The following DMD variants were observed in gnomAD, a reference collection of about 807,000 sequenced individuals.
DMD encodes dystrophin, also known as mutant dystrophin.
DMD carries 63 observed loss-of-function variants against 330.1 expected under a neutral mutation model. That is an observed-to-expected ratio of 0.19 (90% CI 0.16 to 0.24). DMD has a LOEUF of 0.24. DMD is among the 10% of genes least tolerant of loss of function. DMD has a pLI of 1.00. For synonymous variants in DMD, 1,223 were observed against 959.8 expected, an observed-to-expected ratio of 1.27 and a Z score of -5.07; for missense variants, 3,344 against 2,684.1, an observed-to-expected ratio of 1.25 and a Z score of -5.43.
intron 42 of DMD, among the ~76,000 whole-genome samples, chrX:32,294,191 A>T (rs2097486227): frequency 8.9e-6 from 1 of 112,272 alleles, no homozygotes; most frequent in African/African-American, 3.2e-5. Context: ...GCAAAGATAC[A>T]TAACTCTGCC....
chrX:32,435,040 C>G (rs1422254190), intron 29 of DMD, among the ~76,000 whole-genome samples: 1 of 108,717 alleles, frequency 9.2e-6, no homozygotes, highest in African/African-American at 3.3e-5. Context: ...TTTTAACACT[C>G]TGCTTAATCA....
chrX:31,208,755 T>A (rs193247362), intron 65 of DMD, among the ~76,000 whole-genome samples: 1 of 111,113 alleles, frequency 9.0e-6, no homozygotes, highest in East Asian at 2.8e-4. Flanking sequence ...ATTGGTGAAA[T>A]GAGGCATGTA....
chrX:32,347,148 T>G (rs2097766663), intron 38 of DMD, among the ~76,000 whole-genome samples: 1 of 111,603 alleles, frequency 9.0e-6, no homozygotes, highest in Admixed American at 9.6e-5. Context: ...GTCAATAATC[T>G]AAAGAAACAT....
At chrX:33,155,786 C>G (rs906619007) in intron 1 of DMD, among the ~76,000 whole-genome samples, 1 of 107,290 alleles carries the variant, frequency 9.3e-6, no homozygotes, top group African/African-American at 3.5e-5. Flanking sequence ...CAGGGAGATG[C>G]CATCTCTACA....
At chrX:31,411,190 TTG>T (rs1281062793) in intron 60 of DMD, among the ~76,000 whole-genome samples, 1 of 111,246 alleles carries the variant, frequency 9.0e-6, no homozygotes, top group African/African-American at 3.3e-5. Context: ...CTTACAATGA[TTG>T]TTCACATCCC....
intron 44 of DMD, among the ~76,000 whole-genome samples, chrX:32,051,209 C>A (rs1197333840): frequency 9.1e-6 from 1 of 109,900 alleles, no homozygotes; most frequent in Admixed American, 9.8e-5. Context: ...CAAATGCACA[C>A]CAAATGTTAA....
intron 7 of DMD, among the ~76,000 whole-genome samples, chrX:32,807,122 TAAAAAAAAAAAAAA>T (rs999286386): frequency 4.3e-4 from 9 of 20,743 alleles, no homozygotes; most frequent in Non-Finnish European, 1.7e-4. Flanking sequence ...CGGAAACATT[TAAAAAAAAAAAAAA>T]AAAAAAAAAA....
intron 43 of DMD, among the ~76,000 whole-genome samples, chrX:32,225,763 G>A (rs1409174132): frequency 9.4e-6 from 1 of 106,144 alleles, no homozygotes; most frequent in Non-Finnish European, 1.9e-5. Context: ...CATGTGAAAT[G>A]CCTACACCTG....
intron 11 of DMD, among the ~76,000 whole-genome samples, chrX:32,615,220 C>T (rs181382861): frequency 1.5e-3 from 165 of 111,292 alleles, no homozygotes; most frequent in African/African-American, 5.0e-3. Flanking sequence ...TAAGTTTGGA[C>T]GTCATTTGAT....
intron 25 of DMD, among the ~76,000 whole-genome samples, chrX:32,460,295 T>C (rs1036793555): frequency 3.6e-5 from 4 of 110,360 alleles, no homozygotes; most frequent in Non-Finnish European, 7.6e-5. Context: ...GTACAGTCAC[T>C]GTAGAGAACA....
intron 29 of DMD, among the ~76,000 whole-genome samples, chrX:32,420,477 C>A (rs1486586939): frequency 8.9e-6 from 1 of 111,889 alleles, no homozygotes; most frequent in East Asian, 2.8e-4. Context: ...TACAGAAGTA[C>A]CCAAGTGAGA....
chrX:32,853,786 A>AAC (rs1491576519), intron 2 of DMD, among the ~76,000 whole-genome samples: 4 of 104,136 alleles, frequency 3.8e-5, no homozygotes, highest in African/African-American at 1.4e-4. Flanking sequence ...AAAAAAAAAA[A>AAC]CAAACAACAA....
intron 9 of DMD, among the ~76,000 whole-genome samples, chrX:32,680,755 T>C (rs59667865): frequency 0.14 from 15,072 of 109,560 alleles, 2,551 homozygotes; most frequent in African/African-American, 0.47. Flanking sequence ...TCTCCCCCCA[T>C]CAACTCTCCT....
intron 7 of DMD, among the ~76,000 whole-genome samples, chrX:32,707,698 A>T (rs73456996): frequency 0.043 from 4,753 of 111,647 alleles, 265 homozygotes; most frequent in African/African-American, 0.15. Flanking sequence ...TACATCCTTG[A>T]CTATTTAAAT....
intron 60 of DMD, among the ~76,000 whole-genome samples, chrX:31,371,244 G>A (rs977066898): frequency 1.5e-4 from 17 of 111,010 alleles, no homozygotes; most frequent in Non-Finnish European, 1.1e-4. Context: ...TAAAAATGCT[G>A]AGATCTAGTA....
chrX:32,644,064 C>A, intron 11 of DMD, 68 bp downstream of exon 11: 1 of 962,622 alleles, frequency 1.0e-6, no homozygotes, highest in South Asian at 2.2e-5. Flanking sequence ...ACCATCAAAC[C>A]ACATCAAAAT....
chrX:32,935,663 A>C (rs2089965929), intron 2 of DMD, among the ~76,000 whole-genome samples: 1 of 111,578 alleles, frequency 9.0e-6, no homozygotes, highest in Non-Finnish European at 1.9e-5. Flanking sequence ...TGCGCTGAAT[A>C]TAGAAGTCAC....
At chrX:32,748,590 A>G (rs1430450986) in intron 7 of DMD, among the ~76,000 whole-genome samples, 1 of 111,606 alleles carries the variant, frequency 9.0e-6, no homozygotes, top group Non-Finnish European at 1.9e-5. Flanking sequence ...CATGCATTAC[A>G]TGTATTATTA....
chrX:32,698,302 A>G (rs1240741605), intron 8 of DMD, among the ~76,000 whole-genome samples: 2 of 111,341 alleles, frequency 1.8e-5, no homozygotes, highest in African/African-American at 6.5e-5. Flanking sequence ...TCCGGCAAAA[A>G]CAGGCATCCA....
Sources: allele counts gnomAD v4.1 joint callset (sites outside exome capture counted in the v4.1 genomes callset), GRCh38; gene constraint gnomAD v4.1.1; transcripts MANE v1.5; gene names NCBI Gene and HGNC (gene_info 2026-07-23, HGNC 2026-07-21).